NUDT7: variants seen among roughly 807,000 people sequenced by gnomAD.
NUDT7 encodes peroxisomal coenzyme A diphosphatase NUDT7.
NUDT7 carries 19 observed loss-of-function variants against 13.1 expected under a neutral mutation model. The observed-to-expected ratio is 1.45, with a 90% CI of 1.01 to 2.13. The LOEUF is 2.13. Ranked by LOEUF, NUDT7 falls within the 30% of genes most tolerant of loss-of-function variation. The probability of loss-of-function intolerance (pLI) is 0.00; values close to 1 mark genes in which losing one functional copy is unlikely to be tolerated. For missense variants in NUDT7, 360 were observed against 291.7 expected, an observed-to-expected ratio of 1.23 and a Z score of -1.71; for synonymous variants, 132 against 109.7, an observed-to-expected ratio of 1.20 and a Z score of -1.27.
In NUDT7 at chr16:77,741,867, G is replaced by A; in HGVS notation, c.634G>A (p.Val212Ile). 12 of 1,614,074 alleles carry A rather than the reference G, an allele frequency of 7.4e-6. No homozygotes were observed. The highest frequency in any genetic ancestry group is 1.0e-5 in the Non-Finnish European group (12 of 1,180,002). ...TTTGGAAAAAAAACCCACCTTTGAGGTTCAATTTAATCTTAATGATGTATT... is the reference window on the plus strand; with the variant it reads ...TTTGGAAAAAAAACCCACCTTTGAGATTCAATTTAATCTTAATGATGTATT... ...IILEKKPTFEVQFNLNDVLAS... is the reference protein window; with the variant it reads ...IILEKKPTFEIQFNLNDVLAS... The change falls in exon 4 of 4, where the codon GTT becomes ATT. Residue 212 changes from valine (V) to isoleucine (I), a missense_variant. Transcript: ENST00000268533.
chr16:77,734,861 C>A (rs372503534), intron 2 of NUDT7, among the ~76,000 whole-genome samples: 1 of 151,966 alleles, frequency 6.6e-6, no homozygotes, highest in African/African-American at 2.4e-5. Context: ...TGAGAATCAA[C>A]TGTTGTATGG....
At chr16:77,727,077 G>C (rs555827981) in intron 2 of NUDT7, among the ~76,000 whole-genome samples, 6 of 152,084 alleles carry the variant, frequency 3.9e-5, no homozygotes, top group Non-Finnish European at 5.9e-5. Flanking sequence ...TAAACCATGC[G>C]TGAGAAATCT....
At chr16:77,737,753 CG>C (rs2014536639) in intron 3 of NUDT7, among the ~76,000 whole-genome samples, 1 of 152,064 alleles carries the variant, frequency 6.6e-6, no homozygotes, top group African/African-American at 2.4e-5. Context: ...CCAAAGTGCT[CG>C]GACTATAGAC....
intron 1 of NUDT7, among the ~76,000 whole-genome samples, chr16:77,725,115 C>A (rs1000637796): frequency 1.3e-5 from 2 of 152,308 alleles, no homozygotes; most frequent in South Asian, 2.1e-4. Flanking sequence ...TTCATCAAAC[C>A]TGTCTTCTCT....
intron 2 of NUDT7, among the ~76,000 whole-genome samples, chr16:77,728,219 T>G (rs1177457574): frequency 6.6e-6 from 1 of 152,050 alleles, no homozygotes; most frequent in Non-Finnish European, 1.5e-5. Flanking sequence ...TCCCACTAGC[T>G]CTGGAACCTC....
chr16:77,735,014 G>A (rs530927099), intron 2 of NUDT7, among the ~76,000 whole-genome samples: 1 of 152,258 alleles, frequency 6.6e-6, no homozygotes, highest in African/African-American at 2.4e-5. Flanking sequence ...TCAAAAATTA[G>A]TAGCTTATAG....
At chr16:77,738,893 G>T (rs991146347) in intron 3 of NUDT7, among the ~76,000 whole-genome samples, 4 of 152,246 alleles carry the variant, frequency 2.6e-5, no homozygotes, top group Non-Finnish European at 5.9e-5. Flanking sequence ...TTTCTGCCAA[G>T]TATCAGCAGA....
At chr16:77,724,288 G>A (rs1367417258) in intron 1 of NUDT7, among the ~76,000 whole-genome samples, 1 of 151,924 alleles carries the variant, frequency 6.6e-6, no homozygotes, top group Non-Finnish European at 1.5e-5. Context: ...TTTGAGTCAG[G>A]TCTCACTCTG....
chr16:77,736,113 C>G, intron 3 of NUDT7, 127 bp downstream of exon 3: 1 of 875,718 alleles, frequency 1.1e-6, no homozygotes, highest in South Asian at 1.7e-5. Flanking sequence ...AGAACAGGTT[C>G]TCCTACAGAC....
At chr16:77,732,214 G>T (rs2014339561) in intron 2 of NUDT7, among the ~76,000 whole-genome samples, 1 of 151,944 alleles carries the variant, frequency 6.6e-6, no homozygotes, top group Non-Finnish European at 1.5e-5. Context: ...TGTAATTCCA[G>T]TTACTTGGGA....
chr16:77,736,204 G>A lies in NUDT7; in HGVS notation c.348+218G>A, dbSNP rs76011518. 7.6e-3 allele frequency: 3,694 copies of A among 488,338 alleles called. 111 individuals are homozygous for A. Among genetic ancestry groups the A allele is most frequent in the African/African-American group, 0.061 (3,207 of 52,654 alleles). 30.3% of individuals were successfully genotyped at this position (488,338 alleles called of 1,614,324 possible). A position where few individuals can be genotyped will look rare whatever the true frequency, so the allele number is the denominator to read the frequency against. On this transcript the variant is annotated intron_variant, in intron 3 of 3. Coordinates refer to ENST00000268533, the MANE Select transcript of NUDT7 (RefSeq NM_001105663.3). ...CTCTTTCCCCATCCAGAAATAAAAG[G>A]GTTGAACTCCCATCAGTGGATTTCA...
rs76403805 is a variant in NUDT7 at position 77,726,096 on chromosome 16, C to T, written c.189+512C>T. Among the ~76,000 whole-genome samples, 125 of 152,312 alleles carry T rather than the reference C, an allele frequency of 8.2e-4. 1 individual carries two copies. The highest frequency in any genetic ancestry group is 2.9e-3 in the African/African-American group (120 of 41,574). On this transcript the variant is annotated intron_variant, in intron 2 of 3. Transcript: ENST00000268533. The stretch of plus-strand genomic sequence containing the variant: ...CCACTGTTTTAGACTATCCCACCCC[C>T]AGTATAATGTGAAAATACTAGAGCA...
intron 1 of NUDT7, among the ~76,000 whole-genome samples, chr16:77,725,014 T>A (rs1409873480): frequency 6.6e-6 from 1 of 152,182 alleles, no homozygotes; most frequent in Non-Finnish European, 1.5e-5. Flanking sequence ...GAACCACTAT[T>A]ATAAGCAGTT....
At chr16:77,729,209 A>C (rs542875714) in intron 2 of NUDT7, among the ~76,000 whole-genome samples, 1 of 152,302 alleles carries the variant, frequency 6.6e-6, no homozygotes, top group East Asian at 1.9e-4. Context: ...TTTCTTCAAA[A>C]CAGCGTAATA....
At chr16:77,729,816 C>T (rs2014256071) in intron 2 of NUDT7, among the ~76,000 whole-genome samples, 1 of 151,262 alleles carries the variant, frequency 6.6e-6, no homozygotes, top group Non-Finnish European at 1.5e-5. Flanking sequence ...CAGAGCGAGA[C>T]TCTATCTCAA....
chr16:77,724,246 C>G (rs1275924553), intron 1 of NUDT7, among the ~76,000 whole-genome samples: 1 of 151,988 alleles, frequency 6.6e-6, no homozygotes, highest in East Asian at 1.9e-4. Context: ...GTGCATCTCT[C>G]CATGTTTTTT....
chr16:77,731,503 G>A (rs1190520734), intron 2 of NUDT7, among the ~76,000 whole-genome samples: 1 of 151,870 alleles, frequency 6.6e-6, no homozygotes, highest in Non-Finnish European at 1.5e-5. Flanking sequence ...TGTTGCCAGT[G>A]GTCTAAAAGT....
intron 2 of NUDT7, among the ~76,000 whole-genome samples, chr16:77,731,356 A>G (rs1338528248): frequency 2.0e-5 from 3 of 152,292 alleles, no homozygotes; most frequent in East Asian, 1.9e-4. Flanking sequence ...CATGGACCAT[A>G]TATACAATGG....
chr16:77,722,865 G>T (rs903115478), intron 1 of NUDT7, among the ~76,000 whole-genome samples: 7 of 152,136 alleles, frequency 4.6e-5, no homozygotes, highest in African/African-American at 1.4e-4. Flanking sequence ...CTTCCCAGCC[G>T]GCTTGGCTGT....
Sources: gnomAD v4.1 joint callset for allele counts (sites outside exome capture counted in the v4.1 genomes callset) on GRCh38, gnomAD v4.1.1 for gene constraint, MANE v1.5 for transcripts, NCBI Gene and HGNC (gene_info 2026-07-23, HGNC 2026-07-21) for gene names.